Variants in KIF25 observed in about 807,000 individuals in gnomAD.
KIF25 encodes kinesin-like protein KIF25.
In KIF25, 19 loss-of-function variants were observed where a neutral mutation model predicts 32.9. The observed-to-expected ratio is 0.58, with a 90% CI of 0.40 to 0.85. The LOEUF (loss-of-function observed/expected upper bound fraction) is 0.85, where lower values mean the gene tolerates loss of function less well. Among genes scored for constraint, KIF25 ranks in the 40% least tolerant of loss-of-function variants. The pLI, the probability that KIF25 is intolerant of heterozygous loss-of-function variation, is 0.00. For missense variants in KIF25, 485 were observed against 507.0 expected, an observed-to-expected ratio of 0.96 and a Z score of 0.42; for synonymous variants, 225 against 213.7, an observed-to-expected ratio of 1.05 and a Z score of -0.46.
At chr6:168,022,275 T>C (rs1052567127) in intron 5 of KIF25, among the ~76,000 whole-genome samples, 2 of 152,228 alleles carry the variant, frequency 1.3e-5, no homozygotes, top group African/African-American at 4.8e-5. Flanking sequence ...AATTCACTTA[T>C]TCTCTCTTCA....
chr6:168,041,828 C>A, intron 10 of KIF25, 141 bp from the exon 11 acceptor site: 1 of 768,138 alleles, frequency 1.3e-6, no homozygotes, highest in Non-Finnish European at 2.1e-6. Context: ...TGGACCTCTG[C>A]GGAAATCCCA....
intron 6 of KIF25, chr6:168,030,413 T>TCTCC (rs1313058474): frequency 1.9e-5 from 3 of 154,594 alleles, no homozygotes; most frequent in Non-Finnish European, 2.8e-5. Context: ...TCTGTCCCTC[T>TCTCC]CTCTCTCCCT....
rs140413393 is a variant in KIF25 at position 168,042,165 on chromosome 6, G to A, written c.829+14G>A. ...GCGAGTGCGTTGGTGAGCAGGGGCA[G>A]GCATTTCCCTGGGGGGTGGGTGCTG... is the stretch of plus-strand genomic sequence containing the variant. On this transcript the variant is annotated intron_variant, in intron 11 of 12. Transcript: ENST00000643607. 0.015 allele frequency: 23,062 copies of A among 1,545,592 alleles called. 264 individuals carry two copies. The highest frequency in any genetic ancestry group is 0.016 in the Non-Finnish European group (17,767 of 1,144,344).
At chr6:168,015,871 G>C (rs1230590750) in intron 4 of KIF25, among the ~76,000 whole-genome samples, 1 of 152,166 alleles carries the variant, frequency 6.6e-6, no homozygotes. Context: ...TTATGGCTTT[G>C]CACGTTTCTT....
At chr6:168,038,977 G>A (rs73788690) in intron 9 of KIF25, among the ~76,000 whole-genome samples, 3,566 of 152,274 alleles carry the variant, frequency 0.023, 154 homozygotes, top group African/African-American at 0.082. Context: ...AGGTGGCTAT[G>A]TCAGGATGAT....
Position 168,033,905 on chromosome 6 carries a change from A to G in KIF25, c.191A>G (p.Tyr64Cys). 2.5e-6 allele frequency: 4 copies of G among 1,614,172 alleles called. No individual in the cohort carries two copies. The highest frequency in any genetic ancestry group is 1.6e-4 in the Middle Eastern group (1 of 6,062). ...LDGYNVCVMA[Y>C]GQTGSGKSYT... ...AGGTACAATGTTTGTGTTATGGCGTATGGACAGACGGGCAGCGGAAAGAGC... is the reference window on the plus strand; with the variant it reads ...AGGTACAATGTTTGTGTTATGGCGTGTGGACAGACGGGCAGCGGAAAGAGC... Residue 64 changes from tyrosine (Y) to cysteine (C), a missense_variant, in exon 8 of 13, where the codon TAT becomes TGT. This residue lies in a region of KIF25 where 480 missense variants were observed against 470.3 expected (regional missense o/e 1.02). Coordinates refer to ENST00000643607, the MANE Select transcript of KIF25 (RefSeq NM_030615.4).
In KIF25 at chr6:168,029,720, C is replaced by T. The variant is rs111233691; in HGVS notation, c.92+43C>T. 1.5e-5 allele frequency: 23 copies of T among 1,584,310 alleles called. No homozygotes were observed. The African/African-American group carries it at 2.0e-4, about 14-fold the overall frequency. On this transcript the variant is annotated intron_variant, in intron 6 of 12. Transcript: ENST00000643607. Reference sequence around the variant, plus strand: ...AAGCAGGCCAGGCCTGGGTCTGGAGCCGGGTGATGTGCACATGGGGCTCAC... The same window carrying T: ...AAGCAGGCCAGGCCTGGGTCTGGAGTCGGGTGATGTGCACATGGGGCTCAC...
chr6:168,031,675 G>C (rs73042825), intron 7 of KIF25, among the ~76,000 whole-genome samples: 5,141 of 152,196 alleles, frequency 0.034, 101 homozygotes, highest in Non-Finnish European at 0.049. Context: ...AAATGATAGG[G>C]GAGTCTCTTT....
Position 168,021,888 on chromosome 6 carries a change from G to A in KIF25, c.-95+3848G>A, listed in dbSNP as rs971608993. Among the ~76,000 whole-genome samples, 8 of 152,308 alleles carry A rather than the reference G, an allele frequency of 5.3e-5. No individual in the cohort carries two copies. The East Asian group carries it at 1.2e-3, about 22-fold the overall frequency. On this transcript the variant is annotated intron_variant, in intron 5 of 12. Coordinates refer to ENST00000643607, the MANE Select transcript of KIF25 (RefSeq NM_030615.4). ...TCTCAGAGCATGGGTAAAGTTCAAC[G>A]TTATCAATTTTTTCTCTAGATGCTT...
chr6:168,029,396 C>A, intron 5 of KIF25, 96 bp from the exon 6 acceptor site: 2 of 830,332 alleles, frequency 2.4e-6, no homozygotes, highest in South Asian at 2.6e-5. Flanking sequence ...GAAATGCGAA[C>A]ACTGACTTTT....
chr6:168,042,138 C>T lies in KIF25; in HGVS notation c.816C>T (p.Gly272=), dbSNP rs146056201. The change falls in exon 11 of 13, where the codon GGC becomes GGT. Residue 272 remains glycine (G), a synonymous_variant. Transcript: ENST00000643607. ...GACTACAGCTCGTGGACTCGGCCGG[C>T]AGCGAGTGCGTTGGTGAGCAGGGGC... ...QARLQLVDSA[G]SECVGVSGVT... The T allele has an allele frequency of 7.1e-6, 11 of 1,549,336 alleles. No individual in the cohort carries two copies. The African/African-American group carries it at 1.1e-4, about 15-fold the overall frequency.
chr6:168,035,150 AC>A (rs1554251417), intron 8 of KIF25, among the ~76,000 whole-genome samples: 1 of 149,258 alleles, frequency 6.7e-6, no homozygotes, highest in Non-Finnish European at 1.5e-5. Flanking sequence ...GAGTTTCAAG[AC>A]CCCCCGCCGC....
At position 168,042,299 on chromosome 6, in the gene KIF25, T is replaced by C; in HGVS notation, c.829+148T>C. The C allele has an allele frequency of 3.2e-6, 3 of 936,186 alleles. No individual in the cohort carries two copies. The South Asian group carries it at 5.2e-5, about 16-fold the overall frequency. 58.0% of individuals were successfully genotyped at this position (936,186 alleles called of 1,614,324 possible). ...AGGTGAGTTCCAAATCCCGTTACATTCTCAGGGATTGGTTCTCTTACCCCG... is the reference window on the plus strand; with the variant it reads ...AGGTGAGTTCCAAATCCCGTTACATCCTCAGGGATTGGTTCTCTTACCCCG... On this transcript the variant is annotated intron_variant, in intron 11 of 12. Transcript: ENST00000643607.
At chr6:168,021,247 A>G (rs1255695172) in intron 5 of KIF25, among the ~76,000 whole-genome samples, 1 of 152,206 alleles carries the variant, frequency 6.6e-6, no homozygotes, top group African/African-American at 2.4e-5. Flanking sequence ...TGAGATATCT[A>G]CCTTCCATGT....
At chr6:168,039,916 ATGATT>A (rs1389661371) in intron 9 of KIF25, 144 bp from the exon 10 acceptor site, 36 of 989,890 alleles carry the variant, frequency 3.6e-5, no homozygotes, top group Non-Finnish European at 4.0e-5. Context: ...TTGCTTTACC[ATGATT>A]TATTGTGCCT....
chr6:168,021,341 C>A (rs1798784227), intron 5 of KIF25, among the ~76,000 whole-genome samples: 1 of 152,198 alleles, frequency 6.6e-6, no homozygotes, highest in Non-Finnish European at 1.5e-5. Context: ...TCAAAAGAAG[C>A]AGCAAGAACC....
intron 5 of KIF25, among the ~76,000 whole-genome samples, chr6:168,023,832 GA>G (rs1412080443): frequency 6.6e-6 from 1 of 152,190 alleles, no homozygotes; most frequent in Non-Finnish European, 1.5e-5. Context: ...CATGTGTCGC[GA>G]TCTGGTGCTT....
At position 167,998,442 on chromosome 6, in the gene KIF25, A is replaced by G. The variant is rs1350862571; in HGVS notation, c.-1027A>G. 1 of 152,258 alleles carries G rather than the reference A, an allele frequency of 6.6e-6. No homozygotes were observed. The highest frequency in any genetic ancestry group is 2.4e-5 in the African/African-American group (1 of 41,460). 9.4% of individuals were successfully genotyped at this position (152,258 alleles called of 1,614,324 possible). A position where few individuals can be genotyped will look rare whatever the true frequency, so the allele number is the denominator to read the frequency against. ...CAAAATGTAGAAGGAGCTGCTCAGC[A>G]TGACAGGGTGGATAAACTTGCTGTG... On this transcript the variant is annotated 5_prime_UTR_variant, in exon 1 of 13. The change abolishes an upstream ATG in the 5' untranslated region. Transcript: ENST00000643607.
At chr6:168,041,647 C>G (rs1799120708) in intron 10 of KIF25, among the ~76,000 whole-genome samples, 1 of 152,138 alleles carries the variant, frequency 6.6e-6, no homozygotes, top group South Asian at 2.1e-4. Flanking sequence ...GAATTTATTT[C>G]TAAAAGGGCT....
Sources: allele counts gnomAD v4.1 joint callset (sites outside exome capture counted in the v4.1 genomes callset), GRCh38; gene constraint gnomAD v4.1.1; regional missense constraint gnomAD v4.1.1; transcripts MANE v1.5; gene names NCBI Gene and HGNC (gene_info 2026-07-23, HGNC 2026-07-21).